The following TMEFF2 variants were observed in gnomAD, a reference collection of about 807,000 sequenced individuals.
The protein encoded by TMEFF2 is tomoregulin-2.
TMEFF2 carries 28 observed loss-of-function variants against 53.8 expected under a neutral mutation model. The ratio of observed to expected loss-of-function variants is 0.52; its 90% CI spans 0.39 to 0.71. The LOEUF is 0.71. TMEFF2 is among the 30% of genes least tolerant of loss of function. The pLI is 0.00. For missense variants in TMEFF2, 353 were observed against 455.2 expected (o/e 0.78, Z 2.04); for synonymous variants, 162 against 166.3 (o/e 0.97, Z 0.20).
intron 4 of TMEFF2, among the ~76,000 whole-genome samples, chr2:192,129,240 A>G (rs532767927): frequency 3.9e-4 from 60 of 152,290 alleles, no homozygotes; most frequent in African/African-American, 1.4e-3. Context: ...ATTGATTTTC[A>G]GTTTTTTAAA....
chr2:192,006,024 A>G (rs1015328039), intron 5 of TMEFF2, among the ~76,000 whole-genome samples: 2 of 151,934 alleles, frequency 1.3e-5, no homozygotes, highest in Non-Finnish European at 2.9e-5. Context: ...GGTAAGGCTA[A>G]TAAGTCTCCC....
rs1046205961 is a variant in TMEFF2, at chr2:191,973,405, TTA to T, written c.746-17029_746-17028del. Reference sequence around the variant, plus strand: ...TAAGTTTAAGAACATGAATACATATTTATATATATGTGTGTGTATATACACAT... The same window carrying T: ...TAAGTTTAAGAACATGAATACATATTTATATATGTGTGTGTATATACACAT... On this transcript the variant is annotated intron_variant, in intron 7 of 9. Coordinates refer to ENST00000272771, the MANE Select transcript of TMEFF2 (RefSeq NM_016192.4). Among the ~76,000 whole-genome samples the T allele has an allele frequency of 2.0e-5, 3 of 152,242 alleles. No individual in the cohort carries two copies. In the East Asian group the frequency reaches 5.8e-4, roughly 29 times the overall value.
rs763687695 is a variant in TMEFF2, at chr2:191,950,134, C to G, written c.*177G>C. The stretch of plus-strand genomic sequence containing the variant: ...AGAAAAAACATCAAGACAATGTATA[C>G]TATTTCAAATATATCCATACATAAT... On this transcript the variant is annotated 3_prime_UTR_variant, in exon 10 of 10. Transcript: ENST00000272771. The G allele has an allele frequency of 6.0e-5, 83 of 1,378,042 alleles. No homozygotes were observed. The highest frequency in any genetic ancestry group is 7.7e-5 in the Non-Finnish European group (82 of 1,066,678). 85.4% of individuals were successfully genotyped at this position (1,378,042 alleles called of 1,614,324 possible). A position where few individuals can be genotyped will look rare whatever the true frequency, so the allele number is the denominator to read the frequency against.
At chr2:192,018,764 T>C (rs948869350) in intron 5 of TMEFF2, among the ~76,000 whole-genome samples, 3 of 152,218 alleles carry the variant, frequency 2.0e-5, no homozygotes, top group Non-Finnish European at 4.4e-5. Flanking sequence ...GAGAATCTCA[T>C]GTATTAACTG....
chr2:191,998,697 T>G (rs1574278216), intron 6 of TMEFF2, among the ~76,000 whole-genome samples: 1 of 152,008 alleles, frequency 6.6e-6, no homozygotes. Flanking sequence ...TACATAAAAA[T>G]GAAGTGATTT....
intron 5 of TMEFF2, 91 bp downstream of exon 5, chr2:192,057,588 C>G: frequency 9.0e-7 from 1 of 1,114,506 alleles, no homozygotes; most frequent in Non-Finnish European, 1.4e-6. Flanking sequence ...AAAATGCAGA[C>G]AATGTCTTCT....
chr2:192,050,094 G>T (rs1687730622), intron 5 of TMEFF2, among the ~76,000 whole-genome samples: 1 of 152,130 alleles, frequency 6.6e-6, no homozygotes, highest in African/African-American at 2.4e-5. Flanking sequence ...TAGGAGTTTT[G>T]TTTCCTTTGT....
chr2:191,985,595 T>C (rs1224090727), intron 7 of TMEFF2, among the ~76,000 whole-genome samples: 1 of 152,206 alleles, frequency 6.6e-6, no homozygotes, highest in Non-Finnish European at 1.5e-5. Flanking sequence ...AACTCCTCCT[T>C]CTTAGATATT....
At chr2:192,035,533 TC>T (rs1687268835) in intron 5 of TMEFF2, 1 of 152,224 alleles carries the variant, frequency 6.6e-6, no homozygotes, top group Admixed American at 6.5e-5. Context: ...TGATGTCTTA[TC>T]TTAATTAATA....
At chr2:192,010,296 G>C (rs1415683351) in intron 5 of TMEFF2, among the ~76,000 whole-genome samples, 2 of 152,172 alleles carry the variant, frequency 1.3e-5, no homozygotes, top group South Asian at 2.1e-4. Context: ...AGAGAGGACT[G>C]TGTGGTCAGA....
Position 192,194,741 on chromosome 2 carries a change from C to A in TMEFF2, c.-217G>T. 1 of 579,650 alleles carries A rather than the reference C, an allele frequency of 1.7e-6. No homozygotes were observed. Among genetic ancestry groups the A allele is most frequent in the Non-Finnish European group, 3.1e-6 (1 of 327,032 alleles). 35.9% of individuals were successfully genotyped at this position (579,650 alleles called of 1,614,324 possible). ...GGGCTCAGCCCCGGAGCGAGAGGGT[C>A]GTCCGCTGAGAAGCTGCGCCGGAGA... is the stretch of plus-strand genomic sequence containing the variant. On this transcript the variant is annotated 5_prime_UTR_variant, in exon 1 of 10. Transcript: ENST00000272771. This position sits in a 1 kb window ranked among gnomAD's most constrained non-coding sequence, Gnocchi z 4.2.
intron 5 of TMEFF2, among the ~76,000 whole-genome samples, chr2:192,053,144 A>G (rs1305796082): frequency 2.0e-5 from 3 of 152,224 alleles, no homozygotes; most frequent in Non-Finnish European, 4.4e-5. Context: ...TTCTCAAAAT[A>G]AAAGCATTAA....
In TMEFF2 at chr2:192,185,054, A is replaced by G. The variant is rs565346049; in HGVS notation, c.283-571T>C. On this transcript the variant is annotated intron_variant, in intron 2 of 9. Coordinates refer to ENST00000272771, the MANE Select transcript of TMEFF2 (RefSeq NM_016192.4). ...TTTTTATACCTCTTTAGACTATTGTATATTGATGTGGATATGGTCTAGAGA... is the reference window on the plus strand; with the variant it reads ...TTTTTATACCTCTTTAGACTATTGTGTATTGATGTGGATATGGTCTAGAGA... Among the ~76,000 whole-genome samples, 38 of 152,180 alleles carry G rather than the reference A, an allele frequency of 2.5e-4. 1 individual carries two copies. The South Asian group carries it at 7.0e-3, about 28-fold the overall frequency.
intron 4 of TMEFF2, among the ~76,000 whole-genome samples, chr2:192,068,973 G>GT (rs543757728): frequency 2.7e-3 from 387 of 143,198 alleles, no homozygotes; most frequent in South Asian, 6.0e-3. Context: ...CCCAGTTCCT[G>GT]TTTTTTTTTT....
chr2:191,960,467 G>T (rs1042541815), intron 7 of TMEFF2, among the ~76,000 whole-genome samples: 1 of 151,896 alleles, frequency 6.6e-6, no homozygotes, highest in Non-Finnish European at 1.5e-5. Context: ...TTTTTGAGGG[G>T]GTCACATGTC....
At chr2:191,976,899 TTTCCTATC>T (rs1261289770) in intron 7 of TMEFF2, among the ~76,000 whole-genome samples, 3 of 152,208 alleles carry the variant, frequency 2.0e-5, no homozygotes, top group Non-Finnish European at 4.4e-5. Context: ...GTTTTCCTTT[TTTCCTATC>T]TGTGACCACG....
rs187298209 is a variant in TMEFF2, at chr2:191,949,497, T to A, written c.*814A>T. 3.0e-6 allele frequency: 3 copies of A among 985,332 alleles called. No individual in the cohort carries two copies. Among genetic ancestry groups the A allele is most frequent in the Non-Finnish European group, 3.6e-6 (3 of 829,930 alleles). 61.0% of individuals were successfully genotyped at this position (985,332 alleles called of 1,614,324 possible). ...TGGTGTTTCACATCTAGTGGTGTTA[T>A]TACATTTTTCCCCTGGTAATTCCAC... On this transcript the variant is annotated 3_prime_UTR_variant, in exon 10 of 10. Coordinates refer to ENST00000272771, the MANE Select transcript of TMEFF2 (RefSeq NM_016192.4).
intron 5 of TMEFF2, among the ~76,000 whole-genome samples, chr2:192,038,584 C>G (rs565779945): frequency 6.6e-6 from 1 of 152,012 alleles, no homozygotes; most frequent in Admixed American, 6.6e-5. Flanking sequence ...TCTGCCTTCC[C>G]CAGCTCAAGT....
At chr2:192,091,688 GTTTT>G (rs144246685) in intron 4 of TMEFF2, among the ~76,000 whole-genome samples, 2 of 148,562 alleles carry the variant, frequency 1.3e-5, no homozygotes, top group African/African-American at 4.9e-5. Flanking sequence ...AGTAAGATTA[GTTTT>G]TTTTTTCAAG....
Sources: allele counts gnomAD v4.1 joint callset (sites outside exome capture counted in the v4.1 genomes callset), GRCh38; gene constraint gnomAD v4.1.1; non-coding constraint Gnocchi (gnomAD v3.1); transcripts MANE v1.5; gene names NCBI Gene and HGNC (gene_info 2026-07-23, HGNC 2026-07-21).